ERBB4: variants seen among roughly 807,000 people sequenced by gnomAD.
The protein encoded by ERBB4 is erb-b2 receptor tyrosine kinase 4.
Under a neutral mutation model 158.0 loss-of-function variants are expected in ERBB4, and 42 were observed. The ratio of observed to expected loss-of-function variants is 0.27; its 90% CI spans 0.21 to 0.34. The LOEUF (loss-of-function observed/expected upper bound fraction) is 0.34. ERBB4 is among the 10% of genes least tolerant of loss of function. The pLI is 1.00. For synonymous variants in ERBB4, 583 were observed against 558.7 expected (o/e 1.04, Z -0.61); for missense variants, 1,333 against 1,624.1 (o/e 0.82, Z 3.08).
At chr2:211,636,884 C>A (rs1220430475) in intron 16 of ERBB4, among the ~76,000 whole-genome samples, 1 of 151,844 alleles carries the variant, frequency 6.6e-6, no homozygotes, top group African/African-American at 2.4e-5. Flanking sequence ...CTCTGTTGTG[C>A]TATAAAACCC....
intron 1 of ERBB4, among the ~76,000 whole-genome samples, chr2:212,369,763 G>C (rs1166635600): frequency 6.6e-6 from 1 of 152,042 alleles, no homozygotes. Flanking sequence ...TAAGATCATA[G>C]CTCAAAGCAG....
intron 20 of ERBB4, among the ~76,000 whole-genome samples, chr2:211,505,466 C>T (rs1377066098): frequency 6.6e-6 from 1 of 150,732 alleles, no homozygotes; most frequent in African/African-American, 2.4e-5. Flanking sequence ...GAATTCTAAA[C>T]ACGAAAATGA....
chr2:211,924,604 G>C (rs1371308321), intron 3 of ERBB4, among the ~76,000 whole-genome samples: 1 of 152,014 alleles, frequency 6.6e-6, no homozygotes, highest in East Asian at 1.9e-4. Flanking sequence ...TATGTTTAGA[G>C]GGTGAAACAA....
chr2:212,124,382 C>T (rs1440780644), intron 2 of ERBB4, among the ~76,000 whole-genome samples: 1 of 151,884 alleles, frequency 6.6e-6, no homozygotes, highest in Non-Finnish European at 1.5e-5. Context: ...TCTGAAGTGG[C>T]AGAAAAGAGG....
chr2:211,746,592 G>C (rs2074979020), intron 5 of ERBB4, among the ~76,000 whole-genome samples: 1 of 152,088 alleles, frequency 6.6e-6, no homozygotes, highest in Non-Finnish European at 1.5e-5. Flanking sequence ...ACTTTGGGAG[G>C]CCGAGGCGAG....
At chr2:211,716,267 C>G (rs2073895441) in intron 7 of ERBB4, among the ~76,000 whole-genome samples, 1 of 144,718 alleles carries the variant, frequency 6.9e-6, no homozygotes, top group Non-Finnish European at 1.5e-5. Context: ...GAGACTGAGG[C>G]AGGAGAATTG....
At chr2:212,312,456 T>C (rs2087092176) in intron 1 of ERBB4, among the ~76,000 whole-genome samples, 1 of 151,060 alleles carries the variant, frequency 6.6e-6, no homozygotes, top group South Asian at 2.1e-4. Context: ...AAAATGTCTA[T>C]TTTAGCCTCA....
chr2:211,597,394 A>C (rs998095790), intron 19 of ERBB4, among the ~76,000 whole-genome samples: 2 of 152,238 alleles, frequency 1.3e-5, no homozygotes, highest in African/African-American at 4.8e-5. Flanking sequence ...TAATCAGAAC[A>C]TAATAACATA....
At chr2:211,964,224 C>T (rs539550232) in intron 2 of ERBB4, among the ~76,000 whole-genome samples, 2 of 152,128 alleles carry the variant, frequency 1.3e-5, no homozygotes, top group African/African-American at 2.4e-5. Flanking sequence ...CATCAATATC[C>T]CCTCCTCTTC....
chr2:212,489,343 T>C lies in ERBB4; in HGVS notation c.82+49106A>G, dbSNP rs144791109. On this transcript the variant is annotated intron_variant, in intron 1 of 27. Coordinates refer to ENST00000342788, the MANE Select transcript of ERBB4 (RefSeq NM_005235.3). ...ATAGGTAACAAGGCTTGAGGCTCAATTAAGACTGAAAACCTCACTAAATAA... is the reference window on the plus strand; with the variant it reads ...ATAGGTAACAAGGCTTGAGGCTCAACTAAGACTGAAAACCTCACTAAATAA... 4.6e-5 allele frequency among the ~76,000 whole-genome samples: 7 copies of C among 152,060 alleles called. No individual in the cohort carries two copies. The East Asian group carries it at 1.4e-3, about 29-fold the overall frequency.
chr2:212,404,937 A>G (rs1208738352), intron 1 of ERBB4, among the ~76,000 whole-genome samples: 1 of 152,106 alleles, frequency 6.6e-6, no homozygotes, highest in East Asian at 1.9e-4. Flanking sequence ...TTTGCTAAGT[A>G]TAATAGCCTC....
Position 211,422,044 on chromosome 2 carries a change from C to T in ERBB4, c.2927G>A (p.Arg976Lys), listed in dbSNP as rs563587222. 3 of 1,612,374 alleles carry T rather than the reference C, an allele frequency of 1.9e-6. No homozygotes were observed. Among genetic ancestry groups the T allele is most frequent in the South Asian group, 1.1e-5 (1 of 91,062 alleles). Reference sequence around the variant, plus strand: ...GTATCTTTGAGGGTCTCGAGCCATCCTTGAAAACTCAGCAGCCAGTTCCTT... The same window carrying T: ...GTATCTTTGAGGGTCTCGAGCCATCTTTGAAAACTCAGCAGCCAGTTCCTT... Reference protein sequence around the residue: ...KFKELAAEFSRMARDPQRYLV... With the variant: ...KFKELAAEFSKMARDPQRYLV... Residue 976 changes from arginine to lysine, a missense_variant, in exon 24 of 28, where the codon AGG (arginine) becomes AAG (lysine). Arg to Lys is a conservative substitution (Grantham distance 26, BLOSUM62 2). Transcript: ENST00000342788.
rs115924522 is a variant in ERBB4, at chr2:211,786,738, T to C, written c.556+1287A>G. On this transcript the variant is annotated intron_variant, in intron 4 of 27. Coordinates refer to ENST00000342788, the MANE Select transcript of ERBB4 (RefSeq NM_005235.3). ...GTCTGATAAGCTGAGAGTCAGCAGG[T>C]CTTTCCTTTTACCCAACCAATATCC... Among the ~76,000 whole-genome samples, 1,060 of 152,266 alleles carry C rather than the reference T, an allele frequency of 7.0e-3. 20 individuals are homozygous for C. Among genetic ancestry groups the C allele is most frequent in the Middle Eastern group, 0.048 (14 of 294 alleles).
chr2:212,498,694 T>C (rs1001097284), intron 1 of ERBB4, among the ~76,000 whole-genome samples: 1 of 152,104 alleles, frequency 6.6e-6, no homozygotes. Flanking sequence ...TTTTGGGAAA[T>C]ACATCAGGAT....
chr2:211,762,012 C>T (rs1215484622), intron 4 of ERBB4, among the ~76,000 whole-genome samples: 1 of 152,214 alleles, frequency 6.6e-6, no homozygotes, highest in Admixed American at 6.5e-5. Context: ...ACCTACTTCA[C>T]ATATTTGATG....
intron 2 of ERBB4, among the ~76,000 whole-genome samples, chr2:211,992,522 AAG>A (rs2125257081): frequency 1.3e-5 from 2 of 149,342 alleles, no homozygotes; most frequent in African/African-American, 4.9e-5. Context: ...GTGAGGGAAG[AAG>A]AGAGGGAGAT....
chr2:212,468,316 G>A (rs1429985073), intron 1 of ERBB4, among the ~76,000 whole-genome samples: 1 of 152,104 alleles, frequency 6.6e-6, no homozygotes, highest in Non-Finnish European at 1.5e-5. Flanking sequence ...GTTTGGCTCT[G>A]TGTCCCCACC....
chr2:211,781,023 T>C (rs765280186), intron 4 of ERBB4, among the ~76,000 whole-genome samples: 2 of 152,216 alleles, frequency 1.3e-5, no homozygotes, highest in African/African-American at 2.4e-5. Context: ...TGTACTAAAA[T>C]ACATCGAGGG....
chr2:212,162,235 G>A (rs2081221687), intron 1 of ERBB4, among the ~76,000 whole-genome samples: 1 of 151,644 alleles, frequency 6.6e-6, no homozygotes. Flanking sequence ...ATACTACTTA[G>A]GAATGAAAAG....
Sources: allele counts gnomAD v4.1 joint callset (sites outside exome capture counted in the v4.1 genomes callset), GRCh38; gene constraint gnomAD v4.1.1; transcripts MANE v1.5; gene names NCBI Gene and HGNC (gene_info 2026-07-23, HGNC 2026-07-21).